Variants in ESRRG observed in about 807,000 individuals in gnomAD.
ESRRG encodes the protein estrogen-related receptor gamma.
A neutral mutation model predicts 44.0 loss-of-function variants in ESRRG; 13 were observed. That is an observed-to-expected ratio of 0.30 (90% CI 0.19 to 0.47). The LOEUF (loss-of-function observed/expected upper bound fraction) is 0.47. ESRRG is among the 20% of genes least tolerant of loss of function. ESRRG has a pLI of 1.00. For missense variants in ESRRG, 395 were observed against 580.6 expected (o/e 0.68, Z 3.29); for synonymous variants, 215 against 214.6 (o/e 1.00, Z -0.02).
chr1:216,837,525 G>A (rs554600342), intron 2 of ESRRG, among the ~76,000 whole-genome samples: 3 of 152,300 alleles, frequency 2.0e-5, no homozygotes, highest in South Asian at 2.1e-4. Flanking sequence ...TGGGGAAGAC[G>A]GGAGTCACTG....
chr1:216,991,599 C>CATGGGATGGG (rs2075704580), intron 1 of ESRRG, among the ~76,000 whole-genome samples: 1 of 111,016 alleles, frequency 9.0e-6, no homozygotes, highest in Non-Finnish European at 1.7e-5. Context: ...GATGGGATAG[C>CATGGGATGGG]ATGGGATGGG....
At chr1:216,772,690 T>C (rs1226756614) in intron 2 of ESRRG, among the ~76,000 whole-genome samples, 1 of 151,950 alleles carries the variant, frequency 6.6e-6, no homozygotes, top group East Asian at 1.9e-4. Context: ...CATAGTGAGT[T>C]TTTTGTTTGT....
intron 1 of ESRRG, among the ~76,000 whole-genome samples, chr1:216,718,221 A>C (rs1317062729): frequency 1.3e-5 from 2 of 151,898 alleles, no homozygotes; most frequent in African/African-American, 4.8e-5. Flanking sequence ...CTAACTGATT[A>C]GAATAATACT....
At chr1:217,136,005 A>G (rs2093044536) in intron 1 of ESRRG, among the ~76,000 whole-genome samples, 1 of 151,998 alleles carries the variant, frequency 6.6e-6, no homozygotes, top group African/African-American at 2.4e-5. Context: ...ATGAAATTTA[A>G]TTTTATTAGA....
At chr1:217,077,796 C>T (rs1230169368) in intron 1 of ESRRG, among the ~76,000 whole-genome samples, 1 of 152,170 alleles carries the variant, frequency 6.6e-6, no homozygotes, top group African/African-American at 2.4e-5. Context: ...TAAAAACATT[C>T]CCCAAAGCTA....
chr1:216,640,326 G>A (rs1339589110), intron 3 of ESRRG, among the ~76,000 whole-genome samples: 1 of 152,086 alleles, frequency 6.6e-6, no homozygotes, highest in African/African-American at 2.4e-5. Flanking sequence ...AATTGGCTTT[G>A]GGGAAGCCGC....
chr1:216,611,277 A>G (rs925467519), intron 3 of ESRRG, among the ~76,000 whole-genome samples: 1 of 150,656 alleles, frequency 6.6e-6, no homozygotes, highest in Non-Finnish European at 1.5e-5. Context: ...GGTATTTGAT[A>G]TAAGTGGTAA....
intron 2 of ESRRG, among the ~76,000 whole-genome samples, chr1:216,886,194 A>G (rs189921364): frequency 2.6e-5 from 4 of 152,246 alleles, no homozygotes; most frequent in African/African-American, 9.6e-5. Flanking sequence ...GCCAACCTGA[A>G]CTATATGCAT....
At chr1:216,526,486 G>A (rs569888105) in intron 5 of ESRRG, among the ~76,000 whole-genome samples, 151 of 152,208 alleles carry the variant, frequency 9.9e-4, no homozygotes, top group Middle Eastern at 3.4e-3. Context: ...CAGGAGAGAA[G>A]CATGGACCAG....
chr1:216,618,028 A>C (rs1156877846), intron 3 of ESRRG, among the ~76,000 whole-genome samples: 1 of 152,232 alleles, frequency 6.6e-6, no homozygotes, highest in East Asian at 1.9e-4. Context: ...GTAACATACA[A>C]ATTATATTTA....
At chr1:216,864,012 T>A (rs749711218) in intron 2 of ESRRG, 1 of 152,130 alleles carries the variant, frequency 6.6e-6, no homozygotes, top group Non-Finnish European at 1.5e-5. Flanking sequence ...CCTCTCTAAG[T>A]TACACAGTGT....
At chr1:216,637,759 C>A (rs921063024) in intron 3 of ESRRG, among the ~76,000 whole-genome samples, 1 of 152,114 alleles carries the variant, frequency 6.6e-6, no homozygotes, top group East Asian at 1.9e-4. Flanking sequence ...AGATCAAAAC[C>A]AACATTATTC....
At chr1:217,022,472 T>C (rs906111119) in intron 1 of ESRRG, among the ~76,000 whole-genome samples, 1 of 152,180 alleles carries the variant, frequency 6.6e-6, no homozygotes, top group Non-Finnish European at 1.5e-5. Context: ...TTGCACACAG[T>C]GAGGTGAGGA....
chr1:216,745,841 T>G (rs1448149437), intron 2 of ESRRG, among the ~76,000 whole-genome samples: 1 of 152,208 alleles, frequency 6.6e-6, no homozygotes, highest in Non-Finnish European at 1.5e-5. Context: ...TCAGTCCTCA[T>G]GTAGAAGGCA....
At chr1:216,567,386 G>A (rs2059869679) in intron 4 of ESRRG, among the ~76,000 whole-genome samples, 1 of 152,082 alleles carries the variant, frequency 6.6e-6, no homozygotes, top group Non-Finnish European at 1.5e-5. Flanking sequence ...ATAAAACCAT[G>A]AGCTCTTTAA....
chr1:216,738,553 T>C (rs1042731873), intron 2 of ESRRG, among the ~76,000 whole-genome samples: 2 of 152,198 alleles, frequency 1.3e-5, no homozygotes, highest in Non-Finnish European at 2.9e-5. Context: ...CTTATATTCT[T>C]ATGTATTGTT....
intron 2 of ESRRG, among the ~76,000 whole-genome samples, chr1:216,783,759 A>G (rs1415306911): frequency 6.6e-6 from 1 of 151,908 alleles, no homozygotes; most frequent in Non-Finnish European, 1.5e-5. Flanking sequence ...ATTAGAAGGG[A>G]CTTCCCAAAA....
chr1:216,744,295 C>G (rs945547881), intron 2 of ESRRG, among the ~76,000 whole-genome samples: 2 of 152,178 alleles, frequency 1.3e-5, no homozygotes, highest in African/African-American at 2.4e-5. Flanking sequence ...GCATTTATTA[C>G]ATTGTTGTTA....
At chr1:216,795,342 C>CTTTTTTTTTT (rs35142972) in intron 2 of ESRRG, among the ~76,000 whole-genome samples, 3 of 105,442 alleles carry the variant, frequency 2.8e-5, no homozygotes, top group Non-Finnish European at 5.4e-5. Flanking sequence ...TTTTCTTTTT[C>CTTTTTTTTTT]TTTTTTTTTT....
Sources: gnomAD v4.1 joint callset for allele counts (sites outside exome capture counted in the v4.1 genomes callset) on GRCh38, gnomAD v4.1.1 for gene constraint, MANE v1.5 for transcripts, NCBI Gene and HGNC (gene_info 2026-07-23, HGNC 2026-07-21) for gene names.